TTYH1: variants seen among roughly 807,000 people sequenced by gnomAD.
TTYH1 encodes tweety family member 1.
TTYH1 carries 33 observed loss-of-function variants against 61.2 expected under a neutral mutation model. That is an observed-to-expected ratio of 0.54 (90% CI 0.41 to 0.72). The LOEUF (loss-of-function observed/expected upper bound fraction) is 0.72. Ranked by LOEUF, TTYH1 falls within the 30% of genes least tolerant of loss-of-function variation. TTYH1 has a pLI of 0.00. For synonymous variants in TTYH1, 308 were observed against 266.4 expected, an observed-to-expected ratio of 1.16 and a Z score of -1.52; for missense variants, 538 against 575.8, an observed-to-expected ratio of 0.93 and a Z score of 0.67.
chr19:54,427,377 G>A (rs1477822638), intron 5 of TTYH1, among the ~76,000 whole-genome samples: 2 of 149,320 alleles, frequency 1.3e-5, no homozygotes, highest in African/African-American at 4.9e-5. Flanking sequence ...AGGCCGAGGA[G>A]GGCGGATCAC....
At chr19:54,430,519 G>A (rs2083414686) in intron 7 of TTYH1, 31 bp from the exon 8 acceptor site, 14 of 1,612,548 alleles carry the variant, frequency 8.7e-6, no homozygotes, top group Non-Finnish European at 1.2e-5. Context: ...CCAGGCTCAT[G>A]GCCTCCTCCC....
chr19:54,419,058 C>A lies in TTYH1; in HGVS notation c.127-70C>A. 2 of 1,479,022 alleles carry A rather than the reference C, an allele frequency of 1.4e-6. No individual in the cohort carries two copies. The highest frequency in any genetic ancestry group is 1.4e-5 in the African/African-American group (1 of 71,680). 91.6% of individuals were successfully genotyped at this position (1,479,022 alleles called of 1,614,324 possible). A position where few individuals can be genotyped will look rare whatever the true frequency, so the allele number is the denominator to read the frequency against. The stretch of plus-strand genomic sequence containing the variant: ...ATCCCAGACCCCGACCCCCCAGCCA[C>A]GCAGGAAGGGGGATCTGAGTGTGGA... On this transcript the variant is annotated intron_variant, in intron 1 of 13. Transcript: ENST00000376530. This position sits in a 1 kb window ranked among gnomAD's most constrained non-coding sequence, Gnocchi z 6.1.
intron 10 of TTYH1, chr19:54,435,237 C>CA: frequency 2.8e-6 from 1 of 354,482 alleles, no homozygotes; most frequent in Middle Eastern, 7.7e-4. Context: ...ATGTGGGGTG[C>CA]TGACTGGGGA....
rs1362179082 is a variant in TTYH1 at position 54,422,378 on chromosome 19, G to A, written c.606G>A (p.Val202=). The change falls in exon 4 of 14, where the codon GTG becomes GTA. Residue 202 remains valine (V), a synonymous_variant. Coordinates refer to ENST00000376530, the MANE Select transcript of TTYH1 (RefSeq NM_020659.4). ...GAGTGCCCCTGAGCCCCCTGCAGGT[G>A]GCTGAAAATGTGTCCTTTGTGGAGG... is the stretch of plus-strand genomic sequence containing the variant. ...WQGVPLSPLQ[V]AENVSFVEEY... 1.9e-6 allele frequency: 3 copies of A among 1,572,504 alleles called. No individual in the cohort carries two copies. Among genetic ancestry groups the A allele is most frequent in the Non-Finnish European group, 1.7e-6 (2 of 1,158,996 alleles).
Position 54,429,893 on chromosome 19 carries a change from C to T in TTYH1, c.819C>T (p.Asp273=), listed in dbSNP as rs753821476. The T allele has an allele frequency of 1.2e-6, 2 of 1,613,864 alleles. No individual in the cohort carries two copies. The highest frequency in any genetic ancestry group is 2.7e-5 in the African/African-American group (2 of 74,922). ...GCTGCCTCACGCAGGGCCTCAGTGACTTCTGCTCCAATCCAGACCCTTATG... is the reference window on the plus strand; with the variant it reads ...GCTGCCTCACGCAGGGCCTCAGTGATTTCTGCTCCAATCCAGACCCTTATG... The part of the protein sequence containing the change: ...LEAATAVGLS[D]FCSNPDPYVL... Residue 273 remains aspartate (D), a synonymous_variant, in exon 7 of 14, where the codon GAC becomes GAT. Transcript: ENST00000376530. This position sits in a 1 kb window ranked among gnomAD's most constrained non-coding sequence, Gnocchi z 5.1.
rs1364094854 is a variant in TTYH1, at chr19:54,421,789, GC to G, written c.418-398del. On this transcript the variant is annotated intron_variant, in intron 3 of 13. Transcript: ENST00000376530. This position sits in a 1 kb window ranked among gnomAD's most constrained non-coding sequence, Gnocchi z 4.8. ...TCCGACATCAGCTCCAGGATTCTGG[GC>G]CCTGGGGCTGAGGCCTGGCCCCACT... Among the ~76,000 whole-genome samples the G allele has an allele frequency of 1.3e-5, 2 of 152,112 alleles. No homozygotes were observed. Among genetic ancestry groups the G allele is most frequent in the Non-Finnish European group, 2.9e-5 (2 of 68,008 alleles).
chr19:54,433,032 C>G (rs1253327680), intron 10 of TTYH1: 3 of 152,212 alleles, frequency 2.0e-5, no homozygotes. Context: ...TGGGCCCCCA[C>G]CCAGCCCAGG....
intron 9 of TTYH1, 59 bp downstream of exon 9, chr19:54,430,964 G>A: frequency 6.5e-7 from 1 of 1,544,768 alleles, no homozygotes; most frequent in Middle Eastern, 1.8e-4. Context: ...GACGGGGCGG[G>A]ATGGAGCTGT....
At position 54,419,494 on chromosome 19, in the gene TTYH1, T is replaced by C. The variant is rs1031116154; in HGVS notation, c.305+188T>C. On this transcript the variant is annotated intron_variant, in intron 2 of 13. Coordinates refer to ENST00000376530, the MANE Select transcript of TTYH1 (RefSeq NM_020659.4). The surrounding 1 kb of genome is among the most constrained non-coding windows in gnomAD (Gnocchi z 6.1). ...AGGAAGGACTGTCCCATTTGATGGATGGAGAAAGTGAGGCTCTGGAGAGGA... is the reference window on the plus strand; with the variant it reads ...AGGAAGGACTGTCCCATTTGATGGACGGAGAAAGTGAGGCTCTGGAGAGGA... 1.4e-6 allele frequency: 1 copy of C among 737,086 alleles called. No homozygotes were observed. The highest frequency in any genetic ancestry group is 2.7e-5 in the East Asian group (1 of 37,350). 45.7% of individuals were successfully genotyped at this position (737,086 alleles called of 1,614,324 possible).
rs781523440 is a variant in TTYH1 at position 54,419,129 on chromosome 19, C to A, written c.128C>A (p.Ala43Asp). 29 of 1,610,506 alleles carry A rather than the reference C, an allele frequency of 1.8e-5. No individual in the cohort carries two copies. Among genetic ancestry groups the A allele is most frequent in the African/African-American group, 1.1e-4 (8 of 74,906 alleles). The change falls in exon 2 of 14, where the codon GCC becomes GAC. Residue 43 changes from alanine to aspartate, a missense_variant and splice_region_variant. Physicochemically the swap from Ala to Asp is moderately radical, Grantham distance 126 (BLOSUM62 -2). This residue lies in a region of TTYH1 where 157 missense variants were observed against 157.0 expected (regional missense o/e 1.00). Coordinates refer to ENST00000376530, the MANE Select transcript of TTYH1 (RefSeq NM_020659.4). The surrounding 1 kb of genome is among the most constrained non-coding windows in gnomAD (Gnocchi z 6.1). ...GTCTGATGTCACCCCCTTCCCCAGG[C>A]CTTGTTGCTGGTGGCGGCCTTGGCG... is the stretch of plus-strand genomic sequence containing the variant. ...FAPQEQEYQQ[A>D]LLLVAALAGL... is the part of the protein sequence containing the mutation.
At chr19:54,423,818 A>T (rs1326965863) in intron 4 of TTYH1, among the ~76,000 whole-genome samples, 2 of 152,208 alleles carry the variant, frequency 1.3e-5, no homozygotes, top group African/African-American at 4.8e-5. Flanking sequence ...AGCAAGGGAC[A>T]AACGCAGAGA....
At position 54,435,695 on chromosome 19, in the gene TTYH1, G is replaced by A. The variant is rs374121841; in HGVS notation, c.1268+11G>A. ...CCTCTTCCCACCCAGGTCAGGAGCG[G>A]GGGAGGGTAGGGTCCTGGGGAGGGA... On this transcript the variant is annotated intron_variant, in intron 11 of 13. Coordinates refer to ENST00000376530, the MANE Select transcript of TTYH1 (RefSeq NM_020659.4). 8 of 1,608,200 alleles carry A rather than the reference G, an allele frequency of 5.0e-6. No individual in the cohort carries two copies. Among genetic ancestry groups the A allele is most frequent in the South Asian group, 4.4e-5 (4 of 90,710 alleles).
At position 54,420,987 on chromosome 19, in the gene TTYH1, G is replaced by C. The variant is rs573080501; in HGVS notation, c.306-290G>C. On this transcript the variant is annotated intron_variant, in intron 2 of 13. Coordinates refer to ENST00000376530, the MANE Select transcript of TTYH1 (RefSeq NM_020659.4). The surrounding 1 kb of genome is among the most constrained non-coding windows in gnomAD (Gnocchi z 4.8). ...CGGAGCTGGGTGTGACTGGGGTTCT[G>C]CTCCAGGGAGGTGCGAGTTAAATCG... 5.3e-5 allele frequency among the ~76,000 whole-genome samples: 8 copies of C among 152,232 alleles called. No homozygotes were observed. Among genetic ancestry groups the C allele is most frequent in the African/African-American group, 1.4e-4 (6 of 41,532 alleles).
Position 54,429,479 on chromosome 19 carries a change from T to TG in TTYH1, c.807+106dup, listed in dbSNP as rs1380519523. On this transcript the variant is annotated intron_variant, in intron 6 of 13. Transcript: ENST00000376530. This position sits in a 1 kb window ranked among gnomAD's most constrained non-coding sequence, Gnocchi z 5.1. ...GGCATGGCTTAGTAGAGAAAGGAAT[T>TG]GGGGGGCACGATCACAGCTCTGAGG... is the stretch of plus-strand genomic sequence containing the variant. 2.7e-6 allele frequency: 3 copies of TG among 1,112,402 alleles called. No homozygotes were observed. Among genetic ancestry groups the TG allele is most frequent in the Admixed American group, 1.8e-5 (1 of 54,474 alleles). The allele number at this position is 1,112,402 out of a possible 1,614,324, so 68.9% of individuals were successfully genotyped here.
In TTYH1 at chr19:54,419,559, G is replaced by C. The variant is rs2083164530; in HGVS notation, c.305+253G>C. 2 of 688,106 alleles carry C rather than the reference G, an allele frequency of 2.9e-6. No homozygotes were observed. Among genetic ancestry groups the C allele is most frequent in the Non-Finnish European group, 5.3e-6 (2 of 376,790 alleles). 42.6% of individuals were successfully genotyped at this position (688,106 alleles called of 1,614,324 possible). On this transcript the variant is annotated intron_variant, in intron 2 of 13. Transcript: ENST00000376530. The surrounding 1 kb of genome is among the most constrained non-coding windows in gnomAD (Gnocchi z 6.1). The stretch of plus-strand genomic sequence containing the variant: ...AGCCATCTGGTGAGAAGGCGCAGGG[G>C]CAGTCAGATGGCCTGGTTTTGGTGG...
At chr19:54,430,779 C>T (rs377075725) in intron 8 of TTYH1, 34 bp from the exon 9 acceptor site, 2 of 1,607,444 alleles carry the variant, frequency 1.2e-6, no homozygotes, top group African/African-American at 1.3e-5. Context: ...GCGTATACTC[C>T]TGGGTCCTCC....
At chr19:54,430,669 G>T in intron 8 of TTYH1, 64 bp downstream of exon 8, 1 of 1,581,344 alleles carries the variant, frequency 6.3e-7, no homozygotes, top group Non-Finnish European at 8.7e-7. Context: ...CTGAAGGGAG[G>T]GGGCGGGGCT....
rs1175273118 is a variant in TTYH1, at chr19:54,419,477, C to G, written c.305+171C>G. 1.3e-6 allele frequency: 1 copy of G among 764,112 alleles called. No homozygotes were observed. The highest frequency in any genetic ancestry group is 2.7e-5 in the East Asian group (1 of 37,536). The allele number at this position is 764,112 out of a possible 1,614,324, so 47.3% of individuals were successfully genotyped here. On this transcript the variant is annotated intron_variant, in intron 2 of 13. Coordinates refer to ENST00000376530, the MANE Select transcript of TTYH1 (RefSeq NM_020659.4). This position sits in a 1 kb window ranked among gnomAD's most constrained non-coding sequence, Gnocchi z 6.1. ...CCACTTCAGCGCACAGCAGGAAGGA[C>G]TGTCCCATTTGATGGATGGAGAAAG...
intron 5 of TTYH1, 84 bp downstream of exon 5, chr19:54,426,852 G>A (rs1027929673): frequency 8.9e-6 from 11 of 1,242,066 alleles, no homozygotes; most frequent in Middle Eastern, 3.8e-4. Context: ...TCTCCTACAC[G>A]GAGGACCGTG....
Sources: allele counts gnomAD v4.1 joint callset (sites outside exome capture counted in the v4.1 genomes callset), GRCh38; gene constraint gnomAD v4.1.1; regional missense constraint gnomAD v4.1.1; non-coding constraint Gnocchi (gnomAD v3.1); transcripts MANE v1.5; gene names NCBI Gene and HGNC (gene_info 2026-07-23, HGNC 2026-07-21).